Variants in NOP53 observed in about 807,000 individuals in gnomAD.
The protein encoded by NOP53 is ribosome biogenesis protein NOP53.
A neutral mutation model predicts 61.0 loss-of-function variants in NOP53; 40 were observed. The observed-to-expected ratio is 0.66, with a 90% confidence interval of 0.51 to 0.85. The LOEUF (loss-of-function observed/expected upper bound fraction) is 0.85. Among genes scored for constraint, NOP53 ranks in the 40% least tolerant of loss-of-function variants. The pLI, the probability that NOP53 is intolerant of heterozygous loss-of-function variation, is 0.00. For missense variants in NOP53, 689 were observed against 652.9 expected (o/e 1.06, Z -0.60); for synonymous variants, 308 against 289.5 (o/e 1.06, Z -0.65).
Position 47,754,585 on chromosome 19 carries a change from T to A in NOP53, c.824T>A (p.Leu275Gln). 2 of 1,552,398 alleles carry A rather than the reference T, an allele frequency of 1.3e-6. No homozygotes were observed. The highest frequency in any genetic ancestry group is 1.7e-6 in the Non-Finnish European group (2 of 1,149,108). The stretch of plus-strand genomic sequence containing the variant: ...CAGCGGCAGAAGGAGGCGGAGAAGC[T>A]GGAGCGGCAGCTGGCCCTGCCCGCC... ...ELQRQKEAEK[L>Q]ERQLALPATE... The change falls in exon 7 of 13, where the codon CTG (leucine) becomes CAG (glutamine). Residue 275 changes from leucine (L) to glutamine (Q), a missense_variant. Leu to Gln is a moderately radical substitution (Grantham distance 113). Coordinates refer to ENST00000246802, the MANE Select transcript of NOP53 (RefSeq NM_015710.5). The surrounding 1 kb of genome is among the most constrained non-coding windows in gnomAD (Gnocchi z 4.2).
chr19:47,746,177 T>C (rs1967062395), intron 1 of NOP53: 2 of 161,436 alleles, frequency 1.2e-5, no homozygotes, highest in Non-Finnish European at 2.7e-5. Flanking sequence ...TATGTGTGTG[T>C]GTATATATAT....
intron 1 of NOP53, 145 bp from the exon 2 acceptor site, chr19:47,746,822 T>A: frequency 1.5e-6 from 1 of 652,176 alleles, no homozygotes; most frequent in Non-Finnish European, 2.7e-6. Context: ...AAATACTAAG[T>A]TCTGTAAACT....
Position 47,752,553 on chromosome 19 carries a change from C to G in NOP53, c.711C>G (p.Ala237=), listed in dbSNP as rs113642899. The G allele has an allele frequency of 6.2e-7, 1 of 1,610,858 alleles. No homozygotes were observed. The highest frequency in any genetic ancestry group is 8.5e-7 in the Non-Finnish European group (1 of 1,178,948). ...RLHTKPSQAP[A]VEVAPAGASY... ...ACACCAAGCCGTCCCAGGCACCCGCCGTGGAGGTGGCGCCTGCCGGAGCTT... is the reference window on the plus strand; with the variant it reads ...ACACCAAGCCGTCCCAGGCACCCGCGGTGGAGGTGGCGCCTGCCGGAGCTT... The change falls in exon 6 of 13, where the codon GCC becomes GCG. Residue 237 remains alanine, a synonymous_variant. Transcript: ENST00000246802.
chr19:47,748,031 C>T (rs904768939), intron 2 of NOP53, among the ~76,000 whole-genome samples: 9 of 151,084 alleles, frequency 6.0e-5, no homozygotes, highest in African/African-American at 1.2e-4. Context: ...CCGCCCGCCT[C>T]GGCCTCCCAA....
chr19:47,749,311 C>T (rs1335326270), intron 2 of NOP53, among the ~76,000 whole-genome samples: 3 of 152,134 alleles, frequency 2.0e-5, no homozygotes, highest in Non-Finnish European at 4.4e-5. Flanking sequence ...AGTGGGAAGC[C>T]TCTTTGGGGG....
chr19:47,752,839 C>G (rs899204047), intron 6 of NOP53: 3 of 515,684 alleles, frequency 5.8e-6, no homozygotes, highest in Non-Finnish European at 1.0e-5. Flanking sequence ...TCAGGAAGGG[C>G]TCCCGGGAGG....
At position 47,751,572 on chromosome 19, in the gene NOP53, C is replaced by T. The variant is rs766073839; in HGVS notation, c.651C>T (p.Thr217=). The change falls in exon 5 of 13, where the codon ACC becomes ACT. Residue 217 remains threonine, a synonymous_variant. Transcript: ENST00000246802. ...AGGATGAGTTTTTCCTGGAGCAGACCAAGAAGAAAGGAGTGAAGGTGAGAT... is the reference window on the plus strand; with the variant it reads ...AGGATGAGTTTTTCCTGGAGCAGACTAAGAAGAAAGGAGTGAAGGTGAGAT... ...VGQDEFFLEQ[T]KKKGVKRPAR... is the part of the protein sequence containing the mutation. 1.2e-6 allele frequency: 2 copies of T among 1,613,702 alleles called. No individual in the cohort carries two copies. The highest frequency in any genetic ancestry group is 1.1e-5 in the South Asian group (1 of 91,072).
Position 47,755,501 on chromosome 19 carries a change from C to G in NOP53, c.1207C>G (p.Pro403Ala), listed in dbSNP as rs1034893375. ...GCGGCGGGAGGCTGAGGCTGACAAG[C>G]CCCGAAGGCTGGGGCGGCTCAAGTG... ...QARREAEADKPRRLGRLKYQA... is the reference protein window; with the variant it reads ...QARREAEADKARRLGRLKYQA... Residue 403 changes from proline (P) to alanine (A), a missense_variant, in exon 9 of 13, where the codon CCC becomes GCC. Pro to Ala is a conservative substitution (Grantham distance 27). Transcript: ENST00000246802. 1.4e-6 allele frequency: 2 copies of G among 1,476,878 alleles called. No individual in the cohort carries two copies. Among genetic ancestry groups the G allele is most frequent in the Non-Finnish European group, 1.8e-6 (2 of 1,119,062 alleles). 91.5% of individuals were successfully genotyped at this position (1,476,878 alleles called of 1,614,324 possible). A position where few individuals can be genotyped will look rare whatever the true frequency, so the allele number is the denominator to read the frequency against.
chr19:47,747,262 C>T (rs1285371100), intron 2 of NOP53, among the ~76,000 whole-genome samples: 1 of 152,102 alleles, frequency 6.6e-6, no homozygotes, highest in Non-Finnish European at 1.5e-5. Context: ...CACAGATAAG[C>T]TGCTGGGAGT....
chr19:47,756,894 G>A (rs1967208408), intron 12 of NOP53, 105 bp from the exon 13 acceptor site: 13 of 1,552,332 alleles, frequency 8.4e-6, no homozygotes, highest in African/African-American at 2.7e-5. Context: ...CCAGAGCGGG[G>A]TTGGGAGGGT....
intron 5 of NOP53, 104 bp downstream of exon 5, chr19:47,751,694 A>G (rs1194060678): frequency 1.1e-6 from 1 of 880,142 alleles, no homozygotes; most frequent in Non-Finnish European, 1.9e-6. Flanking sequence ...CTTCCATCCC[A>G]GTGGCCGAGA....
At chr19:47,749,294 T>C (rs1967097883) in intron 2 of NOP53, among the ~76,000 whole-genome samples, 1 of 152,172 alleles carries the variant, frequency 6.6e-6, no homozygotes, top group African/African-American at 2.4e-5. Flanking sequence ...ACCGGCGTGC[T>C]TTGGCGAGTG....
intron 2 of NOP53, among the ~76,000 whole-genome samples, chr19:47,749,925 C>T (rs565105715): frequency 3.3e-5 from 5 of 152,218 alleles, no homozygotes; most frequent in Admixed American, 3.3e-4. Flanking sequence ...TGGCTGTGGG[C>T]GTGACTCTTC....
rs1967114808 is a variant in NOP53, at chr19:47,750,815, T to G, written c.399-93T>G. On this transcript the variant is annotated intron_variant, in intron 3 of 12. Transcript: ENST00000246802. Reference sequence around the variant, plus strand: ...TTGGAGAGGGGGTGCTGAAGCTGCCTTAATGGTGGAGGAAGCCCGACGGGG... The same window carrying G: ...TTGGAGAGGGGGTGCTGAAGCTGCCGTAATGGTGGAGGAAGCCCGACGGGG... 8.5e-6 allele frequency: 9 copies of G among 1,059,608 alleles called. No individual in the cohort carries two copies. In the South Asian group the frequency reaches 1.2e-4, roughly 14 times the overall value. The allele number at this position is 1,059,608 out of a possible 1,614,324, so 65.6% of individuals were successfully genotyped here.
At chr19:47,749,763 C>T (rs891287091) in intron 2 of NOP53, among the ~76,000 whole-genome samples, 4 of 151,474 alleles carry the variant, frequency 2.6e-5, no homozygotes, top group Non-Finnish European at 4.4e-5. Context: ...TTTTTTCCCC[C>T]TGAGATGAGA....
In NOP53 at chr19:47,751,068, A is replaced by G. The variant is rs1315590552; in HGVS notation, c.559A>G (p.Thr187Ala). Residue 187 changes from threonine to alanine, a missense_variant, in exon 4 of 13, where the codon ACC (threonine) becomes GCC (alanine). Physicochemically the swap from Thr to Ala is moderately conservative, Grantham distance 58. Coordinates refer to ENST00000246802, the MANE Select transcript of NOP53 (RefSeq NM_015710.5). ...AAGGGCCAAGCCCGGGCCCCAGGAC[A>G]CCGTAGAGCGGCCCTTCTACGACCT... ...ATRAKPGPQD[T>A]VERPFYDLWA... 5.6e-6 allele frequency: 9 copies of G among 1,608,578 alleles called. No homozygotes were observed. The highest frequency in any genetic ancestry group is 6.8e-6 in the Non-Finnish European group (8 of 1,178,294).
In NOP53 at chr19:47,754,261, G is replaced by A. The variant is rs2123677265; in HGVS notation, c.766-266G>A. 1 of 459,198 alleles carries A rather than the reference G, an allele frequency of 2.2e-6. No individual in the cohort carries two copies. Among genetic ancestry groups the A allele is most frequent in the African/African-American group, 2.0e-5 (1 of 50,938 alleles). 28.4% of individuals were successfully genotyped at this position (459,198 alleles called of 1,614,324 possible). A position where few individuals can be genotyped will look rare whatever the true frequency, so the allele number is the denominator to read the frequency against. On this transcript the variant is annotated intron_variant, in intron 6 of 12. Transcript: ENST00000246802. The surrounding 1 kb of genome is among the most constrained non-coding windows in gnomAD (Gnocchi z 4.2). ...CATTGCACTCCAGTCTGGGCAACAA[G>A]ACAGAAACTCTATCTCAAAAAAAAA...
At position 47,746,831 on chromosome 19, in the gene NOP53, C is replaced by T. The variant is rs1461329721; in HGVS notation, c.225-136C>T. The stretch of plus-strand genomic sequence containing the variant: ...CTTCCTAAATACTAAGTTCTGTAAA[C>T]TGCTGGGCGAAGCCTTAGCCTGGAA... On this transcript the variant is annotated intron_variant, in intron 1 of 12. Transcript: ENST00000246802. 5 of 691,102 alleles carry T rather than the reference C, an allele frequency of 7.2e-6. No homozygotes were observed. The East Asian group carries it at 1.1e-4, about 15-fold the overall frequency. The allele number at this position is 691,102 out of a possible 1,614,324, so 42.8% of individuals were successfully genotyped here. A position where few individuals can be genotyped will look rare whatever the true frequency, so the allele number is the denominator to read the frequency against.
chr19:47,755,883 G>A (rs199826156), intron 10 of NOP53, 61 bp downstream of exon 10: 9 of 1,419,112 alleles, frequency 6.3e-6, no homozygotes, highest in East Asian at 2.3e-5. Flanking sequence ...CTTGCTCCCC[G>A]TGCCCCCCAG....
Sources: allele counts gnomAD v4.1 joint callset (sites outside exome capture counted in the v4.1 genomes callset), GRCh38; gene constraint gnomAD v4.1.1; non-coding constraint Gnocchi (gnomAD v3.1); transcripts MANE v1.5; gene names NCBI Gene and HGNC (gene_info 2026-07-23, HGNC 2026-07-21).